The following ADGRB3 variants were observed in gnomAD, a reference collection of about 807,000 sequenced individuals.
ADGRB3 encodes brain-specific angiogenesis inhibitor 3.
In ADGRB3, 37 loss-of-function variants were observed where a neutral mutation model predicts 193.4. That is an observed-to-expected ratio of 0.19 (90% CI 0.15 to 0.25). The LOEUF (loss-of-function observed/expected upper bound fraction) is 0.25. Ranked by LOEUF, ADGRB3 falls within the 10% of genes least tolerant of loss-of-function variation. The probability of loss-of-function intolerance (pLI) is 1.00; values close to 1 mark genes in which losing one functional copy is unlikely to be tolerated. For missense variants in ADGRB3, 1,637 were observed against 1,852.9 expected, an observed-to-expected ratio of 0.88 and a Z score of 2.14; for synonymous variants, 690 against 644.2, an observed-to-expected ratio of 1.07 and a Z score of -1.08.
chr6:68,641,356 A>C (rs1177724048), intron 3 of ADGRB3, among the ~76,000 whole-genome samples: 2 of 152,194 alleles, frequency 1.3e-5, no homozygotes, highest in Admixed American at 1.3e-4. Flanking sequence ...TACAGAAGCT[A>C]CTAGATAGCC....
intron 17 of ADGRB3, among the ~76,000 whole-genome samples, chr6:69,109,114 A>C (rs949159267): frequency 2.6e-5 from 4 of 152,188 alleles, no homozygotes; most frequent in Non-Finnish European, 5.9e-5. Flanking sequence ...TAATAAAACT[A>C]CCCACCGTAG....
At chr6:69,003,372 G>A (rs6900966) in intron 11 of ADGRB3, among the ~76,000 whole-genome samples, 9,657 of 152,076 alleles carry the variant, frequency 0.064, 941 homozygotes, top group African/African-American at 0.21. Flanking sequence ...GAAGAAAAGG[G>A]CAGGGAATGT....
chr6:69,235,225 T>G (rs1766234513), intron 19 of ADGRB3, 90 bp downstream of exon 19: 6 of 1,011,134 alleles, frequency 5.9e-6, no homozygotes, highest in Non-Finnish European at 7.5e-6. Context: ...GTCTCCTGTC[T>G]TCTTAATTTA....
chr6:69,178,175 A>G (rs750875812), intron 17 of ADGRB3, among the ~76,000 whole-genome samples: 29 of 152,144 alleles, frequency 1.9e-4, no homozygotes, highest in Non-Finnish European at 3.7e-4. Context: ...ACCCTTTATC[A>G]TGATGTAATG....
intron 15 of ADGRB3, among the ~76,000 whole-genome samples, chr6:69,055,064 C>T (rs1012946354): frequency 1.3e-5 from 2 of 152,068 alleles, no homozygotes; most frequent in African/African-American, 4.8e-5. Flanking sequence ...TTTGTTGTAT[C>T]TTATCTGGCA....
chr6:69,330,737 A>T (rs1768703374), intron 23 of ADGRB3, among the ~76,000 whole-genome samples, 165 bp downstream of exon 23: 1 of 152,098 alleles, frequency 6.6e-6, no homozygotes, highest in African/African-American at 2.4e-5. Flanking sequence ...GCCCTTTATT[A>T]TTCTAAAATA....
In ADGRB3 at chr6:68,997,651, T is replaced by TTAAA. The variant is rs67424530; in HGVS notation, c.1929+3722_1929+3725dup. Among the ~76,000 whole-genome samples the TTAAA allele has an allele frequency of 3.6e-3, 521 of 145,478 alleles. 4 individuals are homozygous for TTAAA. The highest frequency in any genetic ancestry group is 0.017 in the Middle Eastern group (5 of 286). Reference sequence around the variant, plus strand: ...CTGGGTGACAGAGTGACACTCTGTCTTAAATAAATAAATAAATAAATAAAT... The same window carrying TTAAA: ...CTGGGTGACAGAGTGACACTCTGTCTTAAATAAATAAATAAATAAATAAATAAAT... On this transcript the variant is annotated intron_variant, in intron 11 of 31. Coordinates refer to ENST00000370598, the MANE Select transcript of ADGRB3 (RefSeq NM_001704.3).
chr6:68,936,759 A>G, intron 5 of ADGRB3, 79 bp downstream of exon 5: 2 of 1,455,606 alleles, frequency 1.4e-6, no homozygotes, highest in Non-Finnish European at 1.9e-6. Context: ...TGTTATTTTC[A>G]TATGAAACGG....
chr6:68,914,826 A>G (rs1016978626), intron 3 of ADGRB3, among the ~76,000 whole-genome samples: 8 of 152,192 alleles, frequency 5.3e-5, no homozygotes, highest in African/African-American at 1.7e-4. Flanking sequence ...TAATGACTCC[A>G]TAGGATTACA....
intron 17 of ADGRB3, among the ~76,000 whole-genome samples, chr6:69,213,093 G>T (rs973885585): frequency 2.6e-5 from 4 of 152,042 alleles, no homozygotes; most frequent in Non-Finnish European, 5.9e-5. Context: ...ACTTTATTTT[G>T]TGAAGACTGT....
intron 20 of ADGRB3, among the ~76,000 whole-genome samples, chr6:69,297,540 T>C (rs1767856306): frequency 6.6e-6 from 1 of 151,908 alleles, no homozygotes; most frequent in Admixed American, 6.6e-5. Flanking sequence ...GCAATAAAGT[T>C]GCTACAGCTG....
chr6:68,646,338 G>T (rs891202621), intron 3 of ADGRB3, among the ~76,000 whole-genome samples: 1 of 151,716 alleles, frequency 6.6e-6, no homozygotes, highest in Admixed American at 6.6e-5. Flanking sequence ...TTAGCCAGGC[G>T]TGGTGGGGCA....
intron 3 of ADGRB3, among the ~76,000 whole-genome samples, chr6:68,755,213 A>T (rs895814111): frequency 7.2e-5 from 11 of 152,180 alleles, no homozygotes; most frequent in African/African-American, 2.7e-4. Flanking sequence ...TCCCTCCAGA[A>T]TATTTATAGA....
At chr6:68,964,706 T>C (rs1431311917) in intron 8 of ADGRB3, among the ~76,000 whole-genome samples, 1 of 152,168 alleles carries the variant, frequency 6.6e-6, no homozygotes, top group Non-Finnish European at 1.5e-5. Context: ...GTCTGCTAAG[T>C]TTAAATATAA....
chr6:68,889,166 T>C (rs938798971), intron 3 of ADGRB3, among the ~76,000 whole-genome samples: 4 of 152,218 alleles, frequency 2.6e-5, no homozygotes, highest in Non-Finnish European at 5.9e-5. Context: ...GAATAACATT[T>C]CAGTGGTGTT....
intron 3 of ADGRB3, among the ~76,000 whole-genome samples, chr6:68,841,712 A>G (rs1456552810): frequency 6.6e-6 from 1 of 152,160 alleles, no homozygotes; most frequent in African/African-American, 2.4e-5. Flanking sequence ...GGAGAGGAAG[A>G]GAAAGCCAAA....
chr6:69,099,678 T>A (rs1772979012), intron 17 of ADGRB3, among the ~76,000 whole-genome samples: 3 of 152,194 alleles, frequency 2.0e-5, no homozygotes, highest in Non-Finnish European at 4.4e-5. Context: ...TCTGAATACA[T>A]TTGCGTTTAA....
At chr6:69,151,406 A>G (rs138770921) in intron 17 of ADGRB3, among the ~76,000 whole-genome samples, 16 of 152,258 alleles carry the variant, frequency 1.1e-4, no homozygotes, top group Non-Finnish European at 2.2e-4. Flanking sequence ...AAGTCCCACA[A>G]TCACTGTGCT....
At chr6:69,011,161 G>T (rs1425508987) in intron 11 of ADGRB3, among the ~76,000 whole-genome samples, 2 of 149,202 alleles carry the variant, frequency 1.3e-5, no homozygotes, top group African/African-American at 5.0e-5. Context: ...GTGTGTGTGT[G>T]TGTGTGTATA....
Sources: gnomAD v4.1 joint callset for allele counts (sites outside exome capture counted in the v4.1 genomes callset) on GRCh38, gnomAD v4.1.1 for gene constraint, MANE v1.5 for transcripts, NCBI Gene and HGNC (gene_info 2026-07-23, HGNC 2026-07-21) for gene names.